The following NCKAP5 variants were observed in gnomAD, a reference collection of about 807,000 sequenced individuals.
The protein encoded by NCKAP5 is nck-associated protein 5.
Under a neutral mutation model 167.0 loss-of-function variants are expected in NCKAP5, and 92 were observed. The ratio of observed to expected loss-of-function variants is 0.55; its 90% CI spans 0.47 to 0.66. NCKAP5 has a LOEUF of 0.66. Ranked by LOEUF, NCKAP5 falls within the 30% of genes least tolerant of loss-of-function variation. The pLI, the probability that NCKAP5 is intolerant of heterozygous loss-of-function variation, is 0.00. For synonymous variants in NCKAP5, 891 were observed against 877.4 expected (o/e 1.02, Z -0.27); for missense variants, 2,378 against 2,315.0 (o/e 1.03, Z -0.56).
chr2:133,450,738 C>T (rs540498389), intron 3 of NCKAP5, among the ~76,000 whole-genome samples: 5 of 152,242 alleles, frequency 3.3e-5, no homozygotes, highest in Admixed American at 1.3e-4. Flanking sequence ...AAAAGAGGCA[C>T]GTACTATGCC....
chr2:133,039,842 C>T (rs190392547), intron 6 of NCKAP5, among the ~76,000 whole-genome samples: 1 of 152,162 alleles, frequency 6.6e-6, no homozygotes, highest in Non-Finnish European at 1.5e-5. Flanking sequence ...GAGAGATGGG[C>T]ATTAGAAAAT....
chr2:132,933,537 G>A (rs924158628), intron 8 of NCKAP5, among the ~76,000 whole-genome samples: 7 of 152,144 alleles, frequency 4.6e-5, no homozygotes, highest in East Asian at 3.9e-4. Flanking sequence ...TGTTTCTCAC[G>A]GATTGTTGAT....
chr2:133,577,694 T>G, the NCKAP5 span, among the ~76,000 whole-genome samples: 76,353 of 151,716 alleles, frequency 0.5, 19,944 homozygotes, highest in South Asian at 0.59. Context: ...CAGTCCCCAG[T>G]GTGTGATGTT....
intron 3 of NCKAP5, among the ~76,000 whole-genome samples, chr2:133,356,159 T>C (rs1427192785): frequency 6.6e-6 from 1 of 152,100 alleles, no homozygotes; most frequent in Non-Finnish European, 1.5e-5. Context: ...GCTCCTGGAC[T>C]CAAGCAATCC....
chr2:133,450,702 A>C lies in NCKAP5; in HGVS notation c.69+66756T>G, dbSNP rs1691497176. ...ATTCTCTTTATTCATACTATCAACC[A>C]AAAACTTGAATAGCTCCAAGGCCAC... On this transcript the variant is annotated intron_variant, in intron 3 of 19. Transcript: ENST00000409261. Among the ~76,000 whole-genome samples the C allele has an allele frequency of 2.6e-5, 4 of 152,230 alleles. No individual in the cohort carries two copies. In the South Asian group the frequency reaches 8.3e-4, roughly 32 times the overall value.
At chr2:132,959,649 C>A (rs939302987) in intron 8 of NCKAP5, among the ~76,000 whole-genome samples, 1 of 152,126 alleles carries the variant, frequency 6.6e-6, no homozygotes, top group African/African-American at 2.4e-5. Context: ...GGCAAATGCC[C>A]AGGAGTAGGG....
At chr2:133,586,751 T>TCACACACACACA in the NCKAP5 span, among the ~76,000 whole-genome samples, 53 of 140,932 alleles carry the variant, frequency 3.8e-4, no homozygotes, top group African/African-American at 1.3e-3. Context: ...GACAGCAATA[T>TCACACACACACA]CACACACACA....
At chr2:133,490,451 C>T (rs1362835791) in intron 3 of NCKAP5, among the ~76,000 whole-genome samples, 1 of 152,088 alleles carries the variant, frequency 6.6e-6, no homozygotes, top group African/African-American at 2.4e-5. Context: ...CCTGTGGTAA[C>T]AATGTTATGT....
At chr2:133,305,182 T>G (rs1334332053) in intron 3 of NCKAP5, among the ~76,000 whole-genome samples, 1 of 152,182 alleles carries the variant, frequency 6.6e-6, no homozygotes, top group African/African-American at 2.4e-5. Flanking sequence ...AGAAAGCAGC[T>G]TGGACTTGTC....
chr2:133,052,025 G>A (rs924204740), intron 6 of NCKAP5, among the ~76,000 whole-genome samples: 1 of 152,120 alleles, frequency 6.6e-6, no homozygotes, highest in African/African-American at 2.4e-5. Flanking sequence ...CTACAATGAT[G>A]AACAAACTGC....
At chr2:133,145,746 A>G (rs13432172) in intron 5 of NCKAP5, among the ~76,000 whole-genome samples, 9,692 of 152,138 alleles carry the variant, frequency 0.064, 389 homozygotes, top group East Asian at 0.18. Flanking sequence ...CTGTTAAACT[A>G]AATGTTTTTC....
intron 2 of NCKAP5, among the ~76,000 whole-genome samples, chr2:133,520,872 G>A (rs1248467785): frequency 1.3e-5 from 2 of 152,158 alleles, no homozygotes; most frequent in African/African-American, 4.8e-5. Context: ...AATCAGGGCT[G>A]ACAATGGCAA....
At chr2:132,932,397 A>G (rs1447968050) in intron 8 of NCKAP5, among the ~76,000 whole-genome samples, 3 of 152,140 alleles carry the variant, frequency 2.0e-5, no homozygotes, top group African/African-American at 4.8e-5. Flanking sequence ...TAAAAAGCCA[A>G]GAGTAAGCAT....
chr2:133,390,771 C>A (rs1308094823), intron 3 of NCKAP5, among the ~76,000 whole-genome samples: 2 of 152,064 alleles, frequency 1.3e-5, no homozygotes, highest in Non-Finnish European at 2.9e-5. Context: ...AGGCTCCATC[C>A]CAGAAAAACT....
intron 6 of NCKAP5, chr2:133,118,406 T>A (rs556741307): frequency 1.4e-3 from 209 of 152,270 alleles, no homozygotes; most frequent in African/African-American, 4.0e-3. Context: ...AGATTTTTTT[T>A]AAATCTCAAT....
chr2:133,473,652 T>G (rs185519150), intron 3 of NCKAP5, among the ~76,000 whole-genome samples: 230 of 152,398 alleles, frequency 1.5e-3, no homozygotes, highest in African/African-American at 5.3e-3. Context: ...CTTCCAGCCT[T>G]ACTTTGTAAA....
intron 11 of NCKAP5, among the ~76,000 whole-genome samples, chr2:132,821,125 G>A (rs901557647): frequency 6.6e-6 from 1 of 152,062 alleles, no homozygotes; most frequent in Admixed American, 6.6e-5. Context: ...GAAACATACC[G>A]GAAAAACCAA....
At chr2:132,957,403 C>T (rs971501865) in intron 8 of NCKAP5, among the ~76,000 whole-genome samples, 4 of 152,202 alleles carry the variant, frequency 2.6e-5, no homozygotes, top group African/African-American at 9.6e-5. Flanking sequence ...TGGAGCTATA[C>T]ATTGGGAGTT....
chr2:132,920,430 C>T (rs766896195), intron 8 of NCKAP5, among the ~76,000 whole-genome samples: 15 of 151,388 alleles, frequency 9.9e-5, no homozygotes, highest in Non-Finnish European at 1.9e-4. Flanking sequence ...GTTACAGCAT[C>T]ATGTAAAAAG....
Sources: gnomAD v4.1 joint callset for allele counts (sites outside exome capture counted in the v4.1 genomes callset) on GRCh38, gnomAD v4.1.1 for gene constraint, MANE v1.5 for transcripts, NCBI Gene and HGNC (gene_info 2026-07-23, HGNC 2026-07-21) for gene names.